The following NPHP4 variants were observed in gnomAD, a reference collection of about 807,000 sequenced individuals.
NPHP4 encodes nephrocystin 4.
In NPHP4, 151 loss-of-function variants were observed where a neutral mutation model predicts 155.8. That is an observed-to-expected ratio of 0.97 (90% CI 0.85 to 1.11). The LOEUF (loss-of-function observed/expected upper bound fraction) is 1.11, where lower values mean the gene tolerates loss of function less well. NPHP4 is among the 50% of genes least tolerant of loss of function. The probability of loss-of-function intolerance (pLI) is 0.00; values close to 1 mark genes in which losing one functional copy is unlikely to be tolerated. For missense variants in NPHP4, 1,956 were observed against 1,925.7 expected (o/e 1.02, Z -0.29); for synonymous variants, 845 against 816.8 (o/e 1.03, Z -0.59).
intron 12 of NPHP4, among the ~76,000 whole-genome samples, chr1:5,907,585 G>T (rs1391031546): frequency 1.3e-5 from 2 of 152,246 alleles, no homozygotes; most frequent in East Asian, 3.8e-4. Context: ...GGCCCTGCCA[G>T]TTCTAGCCGC....
intron 2 of NPHP4, 112 bp downstream of exon 2, chr1:5,986,043 A>G: frequency 8.1e-7 from 1 of 1,237,796 alleles, no homozygotes; most frequent in East Asian, 2.4e-5. Context: ...ACCATAAAGT[A>G]GCAAAATCAA....
rs554447738 is a variant in NPHP4 at position 5,868,948 on chromosome 1, A to G, written c.3316-1052T>C. 6.2e-5 allele frequency among the ~76,000 whole-genome samples: 9 copies of G among 144,688 alleles called. No homozygotes were observed. The South Asian group carries it at 6.7e-4, about 11-fold the overall frequency. The allele number at this position is 144,688 out of a possible 152,430, so 94.9% of individuals were successfully genotyped here. A position where few individuals can be genotyped will look rare whatever the true frequency, so the allele number is the denominator to read the frequency against. On this transcript the variant is annotated intron_variant, in intron 23 of 29. Coordinates refer to ENST00000378156, the MANE Select transcript of NPHP4 (RefSeq NM_015102.5). ...CACACATGCATGCACCCACATGCACACACACACAATGCACACACACATGCA... is the reference window on the plus strand; with the variant it reads ...CACACATGCATGCACCCACATGCACGCACACACAATGCACACACACATGCA...
At chr1:5,964,917 T>TTATATATATATATATA (rs4068402) in intron 5 of NPHP4, among the ~76,000 whole-genome samples, 26 of 82,550 alleles carry the variant, frequency 3.1e-4, no homozygotes, top group Non-Finnish European at 4.0e-4. Flanking sequence ...TACATATATA[T>TTATATATATATATATA]TATATATATA....
intron 11 of NPHP4, among the ~76,000 whole-genome samples, chr1:5,913,057 A>C (rs1251184933): frequency 6.6e-6 from 1 of 151,850 alleles, no homozygotes; most frequent in Non-Finnish European, 1.5e-5. Context: ...AGGCTGAGGC[A>C]GAAGAATTGC....
chr1:5,868,675 CACAT>C (rs1233049253), intron 23 of NPHP4, among the ~76,000 whole-genome samples: 3 of 150,758 alleles, frequency 2.0e-5, no homozygotes, highest in Non-Finnish European at 4.4e-5. Flanking sequence ...CAAATGCACA[CACAT>C]GCATGTACAC....
Position 5,944,680 on chromosome 1 carries a change from C to T in NPHP4, c.1119+2424G>A, listed in dbSNP as rs985217737. ...AATCGACCAGCACATCGGAAAGTAC[C>T]AATGACTGGCCGGGCGCGGTGGTTC... On this transcript the variant is annotated intron_variant, in intron 9 of 29. Coordinates refer to ENST00000378156, the MANE Select transcript of NPHP4 (RefSeq NM_015102.5). This position sits in a 1 kb window ranked among gnomAD's most constrained non-coding sequence, Gnocchi z 4.3. Among the ~76,000 whole-genome samples, 33 of 152,210 alleles carry T rather than the reference C, an allele frequency of 2.2e-4. No homozygotes were observed. The highest frequency in any genetic ancestry group is 8.0e-4 in the African/African-American group (33 of 41,444).
intron 5 of NPHP4, 78 bp downstream of exon 5, chr1:5,967,221 A>G: frequency 2.7e-6 from 3 of 1,104,082 alleles, no homozygotes; most frequent in Non-Finnish European, 4.0e-6. Context: ...GAAAGATCCC[A>G]TTCAGAGCTA....
intron 2 of NPHP4, among the ~76,000 whole-genome samples, chr1:5,981,347 T>C (rs537493294): frequency 1.0e-3 from 155 of 152,258 alleles, no homozygotes; most frequent in African/African-American, 3.6e-3. Context: ...GAAGACACAG[T>C]ATAGGGCAGA....
At chr1:5,943,667 G>A (rs1179492284) in intron 9 of NPHP4, among the ~76,000 whole-genome samples, 2 of 152,226 alleles carry the variant, frequency 1.3e-5, no homozygotes, top group African/African-American at 4.8e-5. Flanking sequence ...GAAGACGGCT[G>A]TCACAAGTCA....
intron 7 of NPHP4, among the ~76,000 whole-genome samples, chr1:5,949,728 A>G (rs1296338470): frequency 6.6e-6 from 1 of 152,084 alleles, no homozygotes; most frequent in Non-Finnish European, 1.5e-5. Context: ...AAAGTCAGCT[A>G]CATGCTCCAG....
At chr1:5,934,795 G>A (rs1049613971) in intron 9 of NPHP4, among the ~76,000 whole-genome samples, 25 of 152,318 alleles carry the variant, frequency 1.6e-4, no homozygotes, top group African/African-American at 5.1e-4. Context: ...AGGATGGGTG[G>A]AGCACAGCAT....
chr1:5,910,155 C>A lies in NPHP4; in HGVS notation c.1442-942G>T, dbSNP rs529956650. 3.5e-4 allele frequency among the ~76,000 whole-genome samples: 54 copies of A among 152,306 alleles called. No individual in the cohort carries two copies. In the South Asian group the frequency reaches 0.011, roughly 31 times the overall value. On this transcript the variant is annotated intron_variant, in intron 11 of 29. Coordinates refer to ENST00000378156, the MANE Select transcript of NPHP4 (RefSeq NM_015102.5). The surrounding 1 kb of genome is among the most constrained non-coding windows in gnomAD (Gnocchi z 5.4). ...CCCACCATGAAACCACCAAGCCAGA[C>A]CCCAAGCCCATCCTGACGGGGCCAC...
chr1:5,955,270 T>C (rs1648956083), intron 6 of NPHP4, among the ~76,000 whole-genome samples: 1 of 152,190 alleles, frequency 6.6e-6, no homozygotes, highest in Non-Finnish European at 1.5e-5. Flanking sequence ...GGAACACCTA[T>C]ACAATACGGG....
At chr1:5,951,335 G>T (rs1033440554) in intron 7 of NPHP4, among the ~76,000 whole-genome samples, 7 of 152,258 alleles carry the variant, frequency 4.6e-5, no homozygotes, top group African/African-American at 1.7e-4. Flanking sequence ...GCAACAGCAA[G>T]ATGTTACCCA....
intron 16 of NPHP4, among the ~76,000 whole-genome samples, chr1:5,896,447 T>C (rs529067165): frequency 8.5e-5 from 13 of 152,298 alleles, no homozygotes; most frequent in Non-Finnish European, 1.6e-4. Flanking sequence ...GAATCTGACT[T>C]CAGCAGGACA....
At chr1:5,913,226 C>G (rs527363858) in intron 11 of NPHP4, among the ~76,000 whole-genome samples, 95 of 151,816 alleles carry the variant, frequency 6.3e-4, no homozygotes, top group African/African-American at 2.2e-3. Context: ...GCCAGCGGGG[C>G]CCTGAGATGG....
At chr1:5,924,997 G>A (rs1359850087) in intron 11 of NPHP4, among the ~76,000 whole-genome samples, 1 of 152,116 alleles carries the variant, frequency 6.6e-6, no homozygotes, top group Non-Finnish European at 1.5e-5. Flanking sequence ...TTCCAGAGAA[G>A]GTAGTCATAT....
rs1482937763 is a variant in NPHP4, at chr1:5,923,184, G to T, written c.1441+4465C>A. ...ACGCTTTCAAACCCCGGGATGATCG[G>T]CCCCGGTGGGGATGATTTCAGCAGC... On this transcript the variant is annotated intron_variant, in intron 11 of 29. Transcript: ENST00000378156. Among the ~76,000 whole-genome samples, 3 of 152,216 alleles carry T rather than the reference G, an allele frequency of 2.0e-5. 1 individual carries two copies. The highest frequency in any genetic ancestry group is 4.1e-4 in the South Asian group (2 of 4,834).
chr1:5,933,120 A>G, intron 10 of NPHP4, 27 bp downstream of exon 10: 1 of 1,469,700 alleles, frequency 6.8e-7, no homozygotes. Flanking sequence ...CTCACCGGAG[A>G]TGCATAAGAA....
Sources: gnomAD v4.1 joint callset for allele counts (sites outside exome capture counted in the v4.1 genomes callset) on GRCh38, gnomAD v4.1.1 for gene constraint, Gnocchi (gnomAD v3.1) non-coding constraint, MANE v1.5 for transcripts, NCBI Gene and HGNC (gene_info 2026-07-23, HGNC 2026-07-21) for gene names.